ALMS1: variants seen among roughly 807,000 people sequenced by gnomAD.
The protein encoded by ALMS1 is centrosome-associated protein ALMS1.
In ALMS1, 271 loss-of-function variants were observed where a neutral mutation model predicts 352.2. The observed-to-expected ratio is 0.77, with a 90% CI of 0.70 to 0.85. ALMS1 has a LOEUF of 0.85. Ranked by LOEUF, ALMS1 falls within the 40% of genes least tolerant of loss-of-function variation. The pLI is 0.00. For missense variants in ALMS1, 5,445 were observed against 4,870.7 expected, an observed-to-expected ratio of 1.12 and a Z score of -3.51; for synonymous variants, 1,865 against 1,761.2, an observed-to-expected ratio of 1.06 and a Z score of -1.48.
intron 11 of ALMS1, among the ~76,000 whole-genome samples, chr2:73,528,398 G>C (rs1673838605): frequency 6.6e-6 from 1 of 151,938 alleles, no homozygotes; most frequent in Non-Finnish European, 1.5e-5. Flanking sequence ...TATATATCTG[G>C]GTACTCCACC....
intron 1 of ALMS1, among the ~76,000 whole-genome samples, chr2:73,399,623 G>A (rs1024608199): frequency 1.3e-5 from 2 of 151,962 alleles, no homozygotes; most frequent in South Asian, 4.2e-4. Flanking sequence ...CAGTCACCTT[G>A]TACCAGACCC....
At chr2:73,418,132 A>G (rs1671214334) in intron 2 of ALMS1, among the ~76,000 whole-genome samples, 1 of 152,162 alleles carries the variant, frequency 6.6e-6, no homozygotes, top group South Asian at 2.1e-4. Context: ...GGTTTTAAAA[A>G]TTAGCTTATT....
At chr2:73,390,741 T>C (rs1321394090) in intron 1 of ALMS1, among the ~76,000 whole-genome samples, 3 of 152,248 alleles carry the variant, frequency 2.0e-5, no homozygotes, top group African/African-American at 7.2e-5. Context: ...CAACTTTTAA[T>C]TGGGTCATCA....
At position 73,453,358 on chromosome 2, in the gene ALMS1, C is replaced by T; in HGVS notation, c.6831C>T (p.Cys2277=). The T allele has an allele frequency of 6.2e-7, 1 of 1,613,800 alleles. No homozygotes were observed. The highest frequency in any genetic ancestry group is 1.3e-5 in the African/African-American group (1 of 74,982). ...CAGAAAATATGGCACTGAAACGATG[C>T]AATTTTCCTGCTCCCCTTGCCCGTT... ...MEAENMALKR[C]NFPAPLARFR... The change falls in exon 8 of 23, where the codon TGC becomes TGT. Residue 2277 remains cysteine (C), a synonymous_variant. Transcript: ENST00000613296.
rs747116649 is a variant in ALMS1 at position 73,452,777 on chromosome 2, A to G, written c.6250A>G (p.Asn2084Asp). Residue 2084 changes from asparagine (N) to aspartate (D), a missense_variant, in exon 8 of 23, where the codon AAT (asparagine) becomes GAT (aspartate). Physicochemically the swap from Asn to Asp is conservative, Grantham distance 23. Coordinates refer to ENST00000613296, the MANE Select transcript of ALMS1 (RefSeq NM_001378454.1). ...ISAVPELTDV[N>D]TGKPVSLSSS... ...AGCTGTCCCTGAACTAACTGATGTG[A>G]ATACTGGAAAACCAGTATCTCTCTC... The G allele has an allele frequency of 1.9e-6, 3 of 1,613,462 alleles. No homozygotes were observed. The highest frequency in any genetic ancestry group is 2.5e-6 in the Non-Finnish European group (3 of 1,179,884).
intron 16 of ALMS1, among the ~76,000 whole-genome samples, chr2:73,585,726 C>T (rs1285475289): frequency 2.5e-5 from 3 of 119,540 alleles, no homozygotes; most frequent in Non-Finnish European, 4.9e-5. Flanking sequence ...ACTTCTTGGC[C>T]TTTTTTTTTT....
intron 9 of ALMS1, among the ~76,000 whole-genome samples, chr2:73,476,570 GTTTTTT>G (rs150518132): frequency 6.7e-6 from 1 of 150,226 alleles, no homozygotes; most frequent in South Asian, 2.1e-4. Flanking sequence ...GTTATTTTCT[GTTTTTT>G]TTTGTTTTTT....
At chr2:73,547,306 A>T (rs532020164) in intron 12 of ALMS1, among the ~76,000 whole-genome samples, 13 of 152,290 alleles carry the variant, frequency 8.5e-5, no homozygotes, top group African/African-American at 2.9e-4. Context: ...CTGTAATACC[A>T]AAAAAAGCAT....
intron 9 of ALMS1, among the ~76,000 whole-genome samples, chr2:73,476,761 T>TTTG: frequency 6.6e-6 from 1 of 152,132 alleles, no homozygotes; most frequent in African/African-American, 2.4e-5. Context: ...TGAATCAGGT[T>TTTG]TTGTTGTTGT....
At position 73,563,756 on chromosome 2, in the gene ALMS1, A is replaced by G. The variant is rs181626294; in HGVS notation, c.10384+4614A>G. Among the ~76,000 whole-genome samples, 290 of 147,964 alleles carry G rather than the reference A, an allele frequency of 2.0e-3. 2 individuals carry two copies. The highest frequency in any genetic ancestry group is 3.8e-3 in the Non-Finnish European group (253 of 67,374). Reference sequence around the variant, plus strand: ...AAAAAAAAAATAAAAATAAAAAATGAAGGTATGGAATTATATGAAAACAAC... The same window carrying G: ...AAAAAAAAAATAAAAATAAAAAATGGAGGTATGGAATTATATGAAAACAAC... On this transcript the variant is annotated intron_variant, in intron 15 of 22. Coordinates refer to ENST00000613296, the MANE Select transcript of ALMS1 (RefSeq NM_001378454.1).
intron 10 of ALMS1, among the ~76,000 whole-genome samples, chr2:73,506,380 G>C (rs553101538): frequency 6.6e-6 from 1 of 152,298 alleles, no homozygotes; most frequent in African/African-American, 2.4e-5. Context: ...ACTTTGGACA[G>C]TATGGCCATT....
chr2:73,534,502 C>A (rs1454949850), intron 11 of ALMS1, among the ~76,000 whole-genome samples: 1 of 152,114 alleles, frequency 6.6e-6, no homozygotes, highest in Non-Finnish European at 1.5e-5. Context: ...CCCTACCATC[C>A]TACTTAAACT....
chr2:73,401,436 A>G (rs1670870032), intron 1 of ALMS1, among the ~76,000 whole-genome samples: 1 of 152,174 alleles, frequency 6.6e-6, no homozygotes, highest in African/African-American at 2.4e-5. Context: ...ACTTTCATTT[A>G]GTTGAAATAT....
At chr2:73,396,527 G>T (rs1323870770) in intron 1 of ALMS1, among the ~76,000 whole-genome samples, 1 of 130,984 alleles carries the variant, frequency 7.6e-6, no homozygotes, top group Admixed American at 8.0e-5. Context: ...AGTTCGATAG[G>T]TTACATCAAA....
intron 3 of ALMS1, among the ~76,000 whole-genome samples, chr2:73,420,071 C>T (rs1671254337): frequency 6.6e-6 from 1 of 152,084 alleles, no homozygotes; most frequent in African/African-American, 2.4e-5. Flanking sequence ...ATTAGAGTAC[C>T]TTTGTGGGAG....
intron 2 of ALMS1, among the ~76,000 whole-genome samples, chr2:73,414,493 T>G (rs1309393664): frequency 3.4e-5 from 5 of 147,166 alleles, no homozygotes; most frequent in Admixed American, 6.8e-5. Context: ...TTTTTTGTTT[T>G]TTTTTTGCTT....
intron 21 of ALMS1, 83 bp downstream of exon 21, chr2:73,603,387 A>C: frequency 8.2e-7 from 1 of 1,220,932 alleles, no homozygotes; most frequent in Non-Finnish European, 1.2e-6. Context: ...CACCCAGAAT[A>C]AATGTATTAT....
intron 12 of ALMS1, among the ~76,000 whole-genome samples, chr2:73,539,052 ACAG>A (rs1674099761): frequency 6.6e-6 from 1 of 152,170 alleles, no homozygotes; most frequent in South Asian, 2.1e-4. Flanking sequence ...CTCCCAGCAC[ACAG>A]CTGGAGATCT....
At chr2:73,511,150 G>C (rs1426069957) in intron 10 of ALMS1, among the ~76,000 whole-genome samples, 1 of 152,180 alleles carries the variant, frequency 6.6e-6, no homozygotes, top group African/African-American at 2.4e-5. Flanking sequence ...CACTGAGCTA[G>C]ACCACTTGCC....
Sources: allele counts gnomAD v4.1 joint callset (sites outside exome capture counted in the v4.1 genomes callset), GRCh38; gene constraint gnomAD v4.1.1; transcripts MANE v1.5; gene names NCBI Gene and HGNC (gene_info 2026-07-23, HGNC 2026-07-21).